Variants in MCPH1 observed in about 807,000 individuals in gnomAD.
MCPH1 encodes the protein microcephalin 1.
MCPH1 carries 104 observed loss-of-function variants against 84.5 expected under a neutral mutation model. The ratio of observed to expected loss-of-function variants is 1.23; its 90% CI spans 1.05 to 1.45. The LOEUF is 1.45. Among genes scored for constraint, MCPH1 ranks in the 40% most tolerant of loss-of-function variants. MCPH1 has a pLI of 0.00. For missense variants in MCPH1, 1,498 were observed against 1,005.7 expected, an observed-to-expected ratio of 1.49 and a Z score of -6.62; for synonymous variants, 514 against 366.8, an observed-to-expected ratio of 1.40 and a Z score of -4.58.
At chr8:6,529,861 A>T (rs1819118408) in intron 12 of MCPH1, among the ~76,000 whole-genome samples, 1 of 145,752 alleles carries the variant, frequency 6.9e-6, no homozygotes, top group African/African-American at 2.5e-5. Context: ...GGATAACATG[A>T]TATCTAGTTT....
intron 9 of MCPH1, among the ~76,000 whole-genome samples, chr8:6,475,312 T>C (rs1808303521): frequency 6.6e-6 from 1 of 152,246 alleles, no homozygotes; most frequent in South Asian, 2.1e-4. Flanking sequence ...TTTTACGTGG[T>C]GGACAGCCTG....
chr8:6,504,043 G>T (rs1431675718), intron 12 of MCPH1, among the ~76,000 whole-genome samples: 1 of 152,216 alleles, frequency 6.6e-6, no homozygotes, highest in East Asian at 1.9e-4. Flanking sequence ...CAGGGGCCGG[G>T]CGCAGTGGCT....
rs780411854 is a variant in MCPH1, at chr8:6,445,210, G to A, written c.1488G>A (p.Ser496=). ...KTGNGEGRAT[S]SCVTSAPEEA... is the part of the protein sequence containing the mutation. Reference sequence around the variant, plus strand: ...GAAATGGTGAAGGCCGTGCAACTTCGAGTTGCGTGACTTCTGCCCCTGAAG... The same window carrying A: ...GAAATGGTGAAGGCCGTGCAACTTCAAGTTGCGTGACTTCTGCCCCTGAAG... Residue 496 remains serine (S), a synonymous_variant, in exon 8 of 14, where the codon TCG becomes TCA. Coordinates refer to ENST00000344683, the MANE Select transcript of MCPH1 (RefSeq NM_024596.5). 25 of 1,614,126 alleles carry A rather than the reference G, an allele frequency of 1.5e-5. No individual in the cohort carries two copies. In the East Asian group the frequency reaches 3.3e-4, roughly 22 times the overall value.
chr8:6,406,995 C>G (rs1451887945), intron 1 of MCPH1: 2 of 435,138 alleles, frequency 4.6e-6, no homozygotes, highest in Non-Finnish European at 8.2e-6. Context: ...TGTGCCCCAA[C>G]CCCCGTGCTG....
intron 12 of MCPH1, among the ~76,000 whole-genome samples, chr8:6,556,761 G>C: frequency 6.6e-6 from 1 of 151,942 alleles, no homozygotes; most frequent in Admixed American, 6.6e-5. Context: ...CCACAGCTGC[G>C]TGCCATTGTA....
intron 2 of MCPH1, among the ~76,000 whole-genome samples, chr8:6,414,535 T>A (rs964599008): frequency 6.6e-6 from 1 of 152,242 alleles, no homozygotes; most frequent in Non-Finnish European, 1.5e-5. Flanking sequence ...AACTCTATTC[T>A]TTCAGTAACA....
intron 12 of MCPH1, among the ~76,000 whole-genome samples, chr8:6,516,214 G>A (rs986369281): frequency 2.6e-5 from 4 of 152,208 alleles, no homozygotes; most frequent in East Asian, 3.9e-4. Context: ...CCTTGTTACC[G>A]CTCTGTATTG....
chr8:6,468,701 G>C (rs971456931), intron 9 of MCPH1, among the ~76,000 whole-genome samples: 3 of 147,500 alleles, frequency 2.0e-5, no homozygotes, highest in Non-Finnish European at 4.4e-5. Flanking sequence ...AAGACAGTAA[G>C]TATTGAAAAC....
At chr8:6,564,068 G>C (rs1016749336) in intron 12 of MCPH1, among the ~76,000 whole-genome samples, 2 of 140,482 alleles carry the variant, frequency 1.4e-5, no homozygotes, top group African/African-American at 5.3e-5. Context: ...TGCAACCTCC[G>C]CCTTCCGGGT....
chr8:6,588,979 C>T (rs899173102), intron 12 of MCPH1, among the ~76,000 whole-genome samples: 4 of 152,312 alleles, frequency 2.6e-5, no homozygotes, highest in East Asian at 1.9e-4. Flanking sequence ...CAGCACAGAG[C>T]GAATGGAAAG....
chr8:6,422,877 A>G (rs1476876365), intron 3 of MCPH1, among the ~76,000 whole-genome samples: 1 of 151,650 alleles, frequency 6.6e-6, no homozygotes, highest in African/African-American at 2.4e-5. Flanking sequence ...TTTAGTAGAG[A>G]CGGGGTTTCA....
rs11358428 is a variant in MCPH1, at chr8:6,563,976, CTTTTTT to C, written c.2215-57460_2215-57455del. Among the ~76,000 whole-genome samples, 12 of 85,410 alleles carry C rather than the reference CTTTTTT, an allele frequency of 1.4e-4. No individual in the cohort carries two copies. In the South Asian group the frequency reaches 1.4e-3, roughly 10 times the overall value. 56.0% of individuals were successfully genotyped at this position (85,410 alleles called of 152,430 possible). On this transcript the variant is annotated intron_variant, in intron 12 of 13. Coordinates refer to ENST00000344683, the MANE Select transcript of MCPH1 (RefSeq NM_024596.5). ...GCCTGTGTAGAAAGAGGAATACAAACTTTTTTTTTTTTTTTTTTTTTTTGAGACGGA... is the reference window on the plus strand; with the variant it reads ...GCCTGTGTAGAAAGAGGAATACAAACTTTTTTTTTTTTTTTTTGAGACGGA...
At chr8:6,610,387 G>C (rs1230057258) in intron 12 of MCPH1, among the ~76,000 whole-genome samples, 2 of 152,202 alleles carry the variant, frequency 1.3e-5, no homozygotes, top group Non-Finnish European at 1.5e-5. Flanking sequence ...CTACTGATTA[G>C]AATATCCTTT....
intron 8 of MCPH1, chr8:6,447,499 C>G (rs959356811): frequency 6.3e-6 from 5 of 793,558 alleles, no homozygotes; most frequent in African/African-American, 5.6e-5. Flanking sequence ...AGCTTCAATA[C>G]GCTGATAGAA....
At chr8:6,466,552 C>G (rs905244689) in intron 9 of MCPH1, among the ~76,000 whole-genome samples, 1 of 152,118 alleles carries the variant, frequency 6.6e-6, no homozygotes, top group African/African-American at 2.4e-5. Context: ...CGTGATCCGC[C>G]CGCCTTGGTC....
intron 12 of MCPH1, among the ~76,000 whole-genome samples, chr8:6,505,587 T>C (rs11786977): frequency 9.7e-6 from 1 of 102,640 alleles, no homozygotes; most frequent in Non-Finnish European, 2.0e-5. Context: ...TATATTCTTT[T>C]TGTATATATG....
At chr8:6,503,230 G>T in intron 12 of MCPH1, 1 of 1,614,114 alleles carries the variant, frequency 6.2e-7, no homozygotes, top group Non-Finnish European at 8.5e-7. Flanking sequence ...TTCCGTTCAA[G>T]TTGGAAGGAC....
chr8:6,556,601 T>A (rs930536356), intron 12 of MCPH1, among the ~76,000 whole-genome samples: 1 of 150,500 alleles, frequency 6.6e-6, no homozygotes, highest in Non-Finnish European at 1.5e-5. Context: ...GCAAGACTCT[T>A]GGGAATTGTC....
At chr8:6,468,670 A>C (rs560975377) in intron 9 of MCPH1, among the ~76,000 whole-genome samples, 2 of 151,036 alleles carry the variant, frequency 1.3e-5, no homozygotes, top group South Asian at 4.2e-4. Flanking sequence ...TTGCTATGAA[A>C]ATTAGAAAAA....
Sources: gnomAD v4.1 joint callset for allele counts (sites outside exome capture counted in the v4.1 genomes callset) on GRCh38, gnomAD v4.1.1 for gene constraint, MANE v1.5 for transcripts, NCBI Gene and HGNC (gene_info 2026-07-23, HGNC 2026-07-21) for gene names.